RARB: variants seen among roughly 807,000 people sequenced by gnomAD.
The protein encoded by RARB is HBV-activated protein.
RARB carries 17 observed loss-of-function variants against 51.9 expected under a neutral mutation model. That is an observed-to-expected ratio of 0.33 (90% CI 0.22 to 0.49). The LOEUF is 0.49. Ranked by LOEUF, RARB falls within the 20% of genes least tolerant of loss-of-function variation. The pLI is 0.99. For missense variants in RARB, 369 were observed against 550.8 expected (o/e 0.67, Z 3.30); for synonymous variants, 215 against 195.4 (o/e 1.10, Z -0.84).
intron 3 of RARB, among the ~76,000 whole-genome samples, chr3:25,076,772 A>T (rs1559457652): frequency 6.6e-6 from 1 of 152,212 alleles, no homozygotes; most frequent in Non-Finnish European, 1.5e-5. Context: ...ATCCTACATG[A>T]CCACGGAAGT....
chr3:25,278,810 A>G (rs750917104), intron 5 of RARB, among the ~76,000 whole-genome samples: 27 of 152,330 alleles, frequency 1.8e-4, no homozygotes, highest in South Asian at 4.1e-4. Flanking sequence ...CAGTAACACT[A>G]CTAAAGGATA....
At chr3:24,930,840 C>T (rs1695422446) in intron 2 of RARB, among the ~76,000 whole-genome samples, 1 of 151,994 alleles carries the variant, frequency 6.6e-6, no homozygotes, top group Non-Finnish European at 1.5e-5. Flanking sequence ...GAGATGGTGT[C>T]TCCCCACATT....
intron 5 of RARB, among the ~76,000 whole-genome samples, chr3:25,412,801 C>T (rs1034330727): frequency 1.3e-5 from 2 of 152,122 alleles, no homozygotes; most frequent in African/African-American, 4.8e-5. Flanking sequence ...GGGCAGATCA[C>T]CTCAGGTTGG....
chr3:25,470,079 G>A (rs192561891), intron 2 of RARB, among the ~76,000 whole-genome samples: 2 of 152,274 alleles, frequency 1.3e-5, no homozygotes. Context: ...CAATGCCCGG[G>A]TTGTAGACTA....
At chr3:25,129,789 T>C (rs1268924132) in intron 3 of RARB, among the ~76,000 whole-genome samples, 3 of 152,132 alleles carry the variant, frequency 2.0e-5, no homozygotes, top group Non-Finnish European at 1.5e-5. Context: ...CTAAATGTTG[T>C]AGCCATCATT....
chr3:24,899,606 G>T (rs1158765627), intron 2 of RARB, among the ~76,000 whole-genome samples: 1 of 152,110 alleles, frequency 6.6e-6, no homozygotes, highest in Non-Finnish European at 1.5e-5. Context: ...TGTGGCCAAG[G>T]ATAAATTCCA....
At chr3:25,422,634 G>A (rs1051217251) in intron 5 of RARB, among the ~76,000 whole-genome samples, 1 of 151,862 alleles carries the variant, frequency 6.6e-6, no homozygotes, top group Non-Finnish European at 1.5e-5. Context: ...AAGACAATAA[G>A]GTAGAAAAGT....
At chr3:25,323,675 C>G (rs932560287) in intron 5 of RARB, among the ~76,000 whole-genome samples, 1 of 152,182 alleles carries the variant, frequency 6.6e-6, no homozygotes, top group Non-Finnish European at 1.5e-5. Flanking sequence ...AAAACCCACA[C>G]TGTCCTAGAT....
At chr3:25,130,909 ATAATAT>A (rs1355519341) in intron 3 of RARB, among the ~76,000 whole-genome samples, 53 of 33,930 alleles carry the variant, frequency 1.6e-3, no homozygotes, top group African/African-American at 7.0e-3. Flanking sequence ...AATATTATTG[ATAATAT>A]TATCAATATT....
chr3:25,140,529 T>C (rs1575178639), intron 4 of RARB, among the ~76,000 whole-genome samples: 2 of 152,314 alleles, frequency 1.3e-5, no homozygotes, highest in Non-Finnish European at 1.5e-5. Flanking sequence ...TTGCTTCTTG[T>C]GGATGACCAA....
rs185625005 is a variant in RARB, at chr3:25,236,174, C to G, written c.178+61599C>G. 1.1e-4 allele frequency among the ~76,000 whole-genome samples: 16 copies of G among 152,044 alleles called. 1 individual carries two copies. The highest frequency in any genetic ancestry group is 5.9e-4 in the Admixed American group (9 of 15,264). On this transcript the variant is annotated intron_variant, in intron 5 of 11. Transcript: ENST00000383772. ...AAATGAATAACTTTATAAATATAGC[C>G]ACAGGCCCTGCTGTATTCATTCAAC... is the stretch of plus-strand genomic sequence containing the variant.
chr3:25,191,648 A>T (rs1701106184), intron 5 of RARB, among the ~76,000 whole-genome samples: 1 of 152,116 alleles, frequency 6.6e-6, no homozygotes, highest in Non-Finnish European at 1.5e-5. Context: ...GGCAATAACT[A>T]AGTAACTTGC....
chr3:24,843,098 A>G (rs967052310), intron 1 of RARB, among the ~76,000 whole-genome samples: 1 of 152,234 alleles, frequency 6.6e-6, no homozygotes, highest in Non-Finnish European at 1.5e-5. Context: ...CAGTGAATAC[A>G]GTATTTTTTT....
At chr3:25,027,689 CT>C (rs11305116) in intron 2 of RARB, among the ~76,000 whole-genome samples, 102,643 of 151,618 alleles carry the variant, frequency 0.68, 35,024 homozygotes, top group East Asian at 0.87. Context: ...TATCAAAATG[CT>C]TTTTTTTTCC....
At chr3:25,143,757 G>A (rs972031220) in intron 4 of RARB, among the ~76,000 whole-genome samples, 1 of 152,148 alleles carries the variant, frequency 6.6e-6, no homozygotes, top group Non-Finnish European at 1.5e-5. Context: ...TGCTGCCCTG[G>A]CCCTTGGAGT....
chr3:25,356,733 C>A (rs887209535), intron 5 of RARB, among the ~76,000 whole-genome samples: 19 of 152,074 alleles, frequency 1.2e-4, no homozygotes, highest in African/African-American at 4.6e-4. Flanking sequence ...TCTCATTGTT[C>A]AACTCCTAAT....
rs1203342184 is a variant in RARB at position 25,029,961 on chromosome 3, T to C, written c.-379-30164T>C. ...CAGGGCCACTGAATTTGGGGACGTA[T>C]GGAATATGGTGTCAGGCAAGACAAA... On this transcript the variant is annotated intron_variant, in intron 2 of 11. Transcript: ENST00000383772. Among the ~76,000 whole-genome samples, 3 of 152,298 alleles carry C rather than the reference T, an allele frequency of 2.0e-5. No homozygotes were observed. In the East Asian group the frequency reaches 5.8e-4, roughly 29 times the overall value.
intron 5 of RARB, among the ~76,000 whole-genome samples, chr3:25,217,369 A>G (rs940776022): frequency 3.3e-5 from 5 of 152,186 alleles, no homozygotes; most frequent in Admixed American, 2.0e-4. Flanking sequence ...TCAATCTATC[A>G]TAATTGTTAC....
At chr3:25,541,617 GT>G (rs1699384219) in intron 3 of RARB, among the ~76,000 whole-genome samples, 4 of 152,328 alleles carry the variant, frequency 2.6e-5, no homozygotes, top group Admixed American at 2.6e-4. Flanking sequence ...AAAAGGGAGA[GT>G]TTAGCTTAGA....
Sources: gnomAD v4.1 joint callset for allele counts (sites outside exome capture counted in the v4.1 genomes callset) on GRCh38, gnomAD v4.1.1 for gene constraint, MANE v1.5 for transcripts, NCBI Gene and HGNC (gene_info 2026-07-23, HGNC 2026-07-21) for gene names.